WDR93: variants seen among roughly 807,000 people sequenced by gnomAD.
WDR93 encodes WD repeat domain 93.
A neutral mutation model predicts 82.9 loss-of-function variants in WDR93; 73 were observed. The ratio of observed to expected loss-of-function variants is 0.88; its 90% CI spans 0.73 to 1.07. WDR93 has a LOEUF of 1.07. Among genes scored for constraint, WDR93 ranks in the 50% least tolerant of loss-of-function variants. The pLI, the probability that WDR93 is intolerant of heterozygous loss-of-function variation, is 0.00. For synonymous variants in WDR93, 283 were observed against 300.1 expected (o/e 0.94, Z 0.59); for missense variants, 738 against 826.0 (o/e 0.89, Z 1.31).
intron 4 of WDR93, among the ~76,000 whole-genome samples, chr15:89,708,698 T>A (rs8029095): frequency 6.6e-6 from 1 of 152,004 alleles, no homozygotes; most frequent in Non-Finnish European, 1.5e-5. Context: ...CCCAGTGTAG[T>A]AGATGGAGTT....
chr15:89,701,843 T>C lies in WDR93; in HGVS notation c.97T>C (p.Trp33Arg). 1 of 1,614,190 alleles carries C rather than the reference T, an allele frequency of 6.2e-7. No individual in the cohort carries two copies. The highest frequency in any genetic ancestry group is 8.5e-7 in the Non-Finnish European group (1 of 1,180,026). ...GGTGCCACCCCCAACAGAGAAGGAC[T>C]GGCCTAAAGACGATGAACAGGATCA... ...LEVPPPTEKD[W>R]PKDDEQDHVL... The change falls in exon 2 of 17, where the codon TGG becomes CGG. Residue 33 changes from tryptophan to arginine, a missense_variant. Transcript: ENST00000268130.
At chr15:89,711,548 C>T (rs1965979135) in intron 4 of WDR93, among the ~76,000 whole-genome samples, 1 of 148,182 alleles carries the variant, frequency 6.7e-6, no homozygotes. Flanking sequence ...AAAAAGATAG[C>T]ATAACCATTC....
At chr15:89,695,853 G>A (rs1245461212) in intron 1 of WDR93, among the ~76,000 whole-genome samples, 14 of 111,656 alleles carry the variant, frequency 1.3e-4, no homozygotes, top group East Asian at 2.6e-4. Context: ...GCCTCACTCC[G>A]TCACCCAGGC....
chr15:89,711,525 CAAAA>C (rs541710221), intron 4 of WDR93, among the ~76,000 whole-genome samples: 1 of 132,212 alleles, frequency 7.6e-6, no homozygotes, highest in Non-Finnish European at 1.6e-5. Context: ...TAGCGAGTCT[CAAAA>C]AAAAAAAAAA....
At chr15:89,697,759 G>C (rs1281910037) in intron 1 of WDR93, among the ~76,000 whole-genome samples, 1 of 151,968 alleles carries the variant, frequency 6.6e-6, no homozygotes, top group Non-Finnish European at 1.5e-5. Flanking sequence ...TATAATTGTG[G>C]ATCTTCCTGT....
intron 8 of WDR93, among the ~76,000 whole-genome samples, chr15:89,725,964 A>G (rs1187656200): frequency 1.3e-5 from 2 of 152,332 alleles, no homozygotes; most frequent in Non-Finnish European, 2.9e-5. Flanking sequence ...TTCAGAATGT[A>G]TGTTACACTT....
intron 14 of WDR93, among the ~76,000 whole-genome samples, chr15:89,735,794 A>AT (rs1459234214): frequency 6.6e-6 from 1 of 152,192 alleles, no homozygotes; most frequent in Non-Finnish European, 1.5e-5. Context: ...TGTGATAGGG[A>AT]TTTTTTAATG....
At position 89,727,551 on chromosome 15, in the gene WDR93, C is replaced by A. The variant is rs573266277; in HGVS notation, c.1052+223C>A. 1.6e-3 allele frequency among the ~76,000 whole-genome samples: 245 copies of A among 152,214 alleles called. 5 individuals carry two copies. The South Asian group carries it at 0.031, about 19-fold the overall frequency. ...GACCAGCCTGGGCCACATGTCGAGA[C>A]CTTATCTCTAAAATAAATAAGCTCT... On this transcript the variant is annotated intron_variant, in intron 9 of 16. Transcript: ENST00000268130.
intron 5 of WDR93, among the ~76,000 whole-genome samples, chr15:89,714,704 G>C (rs1278938006): frequency 6.6e-6 from 1 of 152,160 alleles, no homozygotes; most frequent in Non-Finnish European, 1.5e-5. Context: ...TGGTTAAAAA[G>C]CTGTTGCATG....
chr15:89,728,154 T>G (rs1382529054), intron 9 of WDR93, among the ~76,000 whole-genome samples: 1 of 152,132 alleles, frequency 6.6e-6, no homozygotes, highest in Non-Finnish European at 1.5e-5. Context: ...TACTAAAATT[T>G]TTCTCCATTT....
intron 1 of WDR93, among the ~76,000 whole-genome samples, chr15:89,699,469 A>G (rs780758190): frequency 3.3e-5 from 5 of 151,968 alleles, no homozygotes; most frequent in Non-Finnish European, 7.4e-5. Flanking sequence ...ATAATTTTAT[A>G]TAGTTTTTCT....
In WDR93 at chr15:89,712,026, G is replaced by A; in HGVS notation, c.562G>A (p.Asp188Asn). The change falls in exon 5 of 17, where the codon GAT (aspartate) becomes AAT (asparagine). Residue 188 changes from aspartate (D) to asparagine (N), a missense_variant and splice_region_variant. By Grantham distance (23) the Asp-to-Asn change is conservative. Coordinates refer to ENST00000268130, the MANE Select transcript of WDR93 (RefSeq NM_020212.2). ...CTATCAACATCTCTTTTGTTTTCAG[G>A]ATGATACCAGCAAGCAAACTACCTG... ...LYLVKAINEV[D>N]DTSKQTTCIK... The A allele has an allele frequency of 6.2e-7, 1 of 1,612,446 alleles. No homozygotes were observed. Among genetic ancestry groups the A allele is most frequent in the Non-Finnish European group, 8.5e-7 (1 of 1,179,096 alleles).
chr15:89,712,530 G>C (rs11637489), intron 5 of WDR93, among the ~76,000 whole-genome samples: 64,759 of 150,800 alleles, frequency 0.43, 14,341 homozygotes, highest in African/African-American at 0.48. Context: ...AGGCCTTAAA[G>C]AGTACCAGTC....
chr15:89,719,886 C>T (rs1290123006), intron 7 of WDR93, among the ~76,000 whole-genome samples: 3 of 151,728 alleles, frequency 2.0e-5, no homozygotes, highest in East Asian at 1.9e-4. Context: ...CTGCAACCTC[C>T]GTCTCCCAGG....
At chr15:89,707,831 G>T (rs1965789846) in intron 4 of WDR93, among the ~76,000 whole-genome samples, 1 of 152,104 alleles carries the variant, frequency 6.6e-6, no homozygotes, top group South Asian at 2.1e-4. Flanking sequence ...CCATACCAAG[G>T]CTTGTACGTG....
chr15:89,697,702 TTA>T (rs1425777982), intron 1 of WDR93, among the ~76,000 whole-genome samples: 1 of 152,174 alleles, frequency 6.6e-6, no homozygotes, highest in Non-Finnish European at 1.5e-5. Context: ...ATTTTTCTGT[TTA>T]TGTGTTCTAT....
At chr15:89,699,689 G>A (rs1965363076) in intron 1 of WDR93, among the ~76,000 whole-genome samples, 1 of 151,588 alleles carries the variant, frequency 6.6e-6, no homozygotes, top group Non-Finnish European at 1.5e-5. Flanking sequence ...GTGTCTTCAA[G>A]TTCACTAATC....
At chr15:89,701,197 A>C (rs1204244246) in intron 1 of WDR93, among the ~76,000 whole-genome samples, 1 of 152,092 alleles carries the variant, frequency 6.6e-6, no homozygotes, top group Non-Finnish European at 1.5e-5. Context: ...GGCCCTGAGC[A>C]CTGTGTCTGC....
intron 1 of WDR93, among the ~76,000 whole-genome samples, chr15:89,694,627 TC>T (rs1965076448): frequency 1.3e-5 from 2 of 152,216 alleles, no homozygotes; most frequent in South Asian, 4.1e-4. Flanking sequence ...ATATATTTTC[TC>T]CCCATCTGAG....
Sources: allele counts gnomAD v4.1 joint callset (sites outside exome capture counted in the v4.1 genomes callset), GRCh38; gene constraint gnomAD v4.1.1; transcripts MANE v1.5; gene names NCBI Gene and HGNC (gene_info 2026-07-23, HGNC 2026-07-21).